ITGA9: variants seen among roughly 807,000 people sequenced by gnomAD.
The protein encoded by ITGA9 is integrin subunit alpha 9, also known as integrin alpha-9.
In ITGA9, 56 loss-of-function variants were observed where a neutral mutation model predicts 127.8. The observed-to-expected ratio is 0.44, with a 90% CI of 0.35 to 0.55. The LOEUF (loss-of-function observed/expected upper bound fraction) is 0.55. ITGA9 is among the 20% of genes least tolerant of loss of function. ITGA9 has a pLI of 0.00. For synonymous variants in ITGA9, 508 were observed against 514.5 expected (o/e 0.99, Z 0.17); for missense variants, 1,196 against 1,347.1 (o/e 0.89, Z 1.76).
intron 15 of ITGA9, among the ~76,000 whole-genome samples, chr3:37,589,318 T>C (rs1211504842): frequency 2.0e-5 from 3 of 152,162 alleles, no homozygotes; most frequent in South Asian, 2.1e-4. Context: ...CAAATATTCA[T>C]AGAGCACCTA....
At chr3:37,627,251 G>A (rs1700184178) in intron 15 of ITGA9, among the ~76,000 whole-genome samples, 1 of 152,086 alleles carries the variant, frequency 6.6e-6, no homozygotes, top group South Asian at 2.1e-4. Context: ...CCAGTCACTC[G>A]GGCTCCCACC....
At chr3:37,482,239 A>G (rs1698565102) in intron 4 of ITGA9, among the ~76,000 whole-genome samples, 2 of 152,250 alleles carry the variant, frequency 1.3e-5, no homozygotes, top group Admixed American at 1.3e-4. Context: ...GCCCAGGCAG[A>G]TGCTGGAGAA....
intron 4 of ITGA9, among the ~76,000 whole-genome samples, chr3:37,483,268 A>G (rs1443941662): frequency 2.0e-5 from 3 of 152,134 alleles, no homozygotes; most frequent in African/African-American, 7.2e-5. Flanking sequence ...AGGGAGGTGG[A>G]GTTCAATGTC....
chr3:37,759,830 G>T (rs1162393915), intron 23 of ITGA9, among the ~76,000 whole-genome samples: 1 of 149,676 alleles, frequency 6.7e-6, no homozygotes, highest in Admixed American at 6.6e-5. Context: ...GCTTGAACCC[G>T]GGAAGCAGAG....
chr3:37,692,410 A>AGTGT lies in ITGA9; in HGVS notation c.2067+8396_2067+8397insTGTG, dbSNP rs1299517222. ...CTTAATGAAGGATTGAGAGAGAGAGAGAGTGTGTGTGTGTGTGTGTGTGTG... is the reference window on the plus strand; with the variant it reads ...CTTAATGAAGGATTGAGAGAGAGAGAGTGTGAGTGTGTGTGTGTGTGTGTGTGTG... On this transcript the variant is annotated intron_variant, in intron 18 of 27. Coordinates refer to ENST00000264741, the MANE Select transcript of ITGA9 (RefSeq NM_002207.3). 6.0e-3 allele frequency among the ~76,000 whole-genome samples: 813 copies of AGTGT among 135,940 alleles called. 7 individuals are homozygous for AGTGT. The highest frequency in any genetic ancestry group is 0.025 in the African/African-American group (731 of 29,712). The allele number at this position is 135,940 out of a possible 152,430, so 89.2% of individuals were successfully genotyped here.
intron 23 of ITGA9, among the ~76,000 whole-genome samples, chr3:37,755,006 A>T (rs962118868): frequency 9.9e-5 from 15 of 152,214 alleles, no homozygotes; most frequent in Non-Finnish European, 1.9e-4. Context: ...GGGGCCATCA[A>T]ATCAGTCGAT....
At chr3:37,613,564 G>C (rs1575167284) in intron 15 of ITGA9, among the ~76,000 whole-genome samples, 1 of 152,208 alleles carries the variant, frequency 6.6e-6, no homozygotes, top group East Asian at 1.9e-4. Flanking sequence ...GGTTGAACTA[G>C]TTTACAATCC....
At chr3:37,588,727 CCAAGT>C (rs1699784132) in intron 15 of ITGA9, among the ~76,000 whole-genome samples, 1 of 152,228 alleles carries the variant, frequency 6.6e-6, no homozygotes. Context: ...ACCATTTCTG[CCAAGT>C]CAGAGGATGA....
chr3:37,504,209 C>T (rs1018056035), intron 6 of ITGA9, among the ~76,000 whole-genome samples: 1 of 152,218 alleles, frequency 6.6e-6, no homozygotes, highest in Non-Finnish European at 1.5e-5. Flanking sequence ...CCTGTAGGCA[C>T]CCAGCTGCCT....
In ITGA9 at chr3:37,540,684, A is replaced by C. The variant is rs147681431; in HGVS notation, c.1529-1741A>C. Among the ~76,000 whole-genome samples the C allele has an allele frequency of 4.3e-3, 657 of 152,250 alleles. 8 individuals carry two copies. The highest frequency in any genetic ancestry group is 0.015 in the African/African-American group (632 of 41,532). On this transcript the variant is annotated intron_variant, in intron 14 of 27. Transcript: ENST00000264741. ...TCATCTTAAAAAATGAAGGTTTTTG[A>C]GCTTAGTGGTCTCCAGGATTGCCTC... is the stretch of plus-strand genomic sequence containing the variant.
At chr3:37,797,380 G>T (rs1697186176) in intron 26 of ITGA9, among the ~76,000 whole-genome samples, 1 of 152,092 alleles carries the variant, frequency 6.6e-6, no homozygotes, top group Admixed American at 6.6e-5. Flanking sequence ...AATGGGGGCT[G>T]AGTAGTCTGG....
chr3:37,523,984 G>A (rs2236629), intron 12 of ITGA9, among the ~76,000 whole-genome samples: 19 of 152,250 alleles, frequency 1.2e-4, no homozygotes, highest in African/African-American at 4.3e-4. Flanking sequence ...GGGAAAAAGA[G>A]CAGCACCCCC....
intron 15 of ITGA9, among the ~76,000 whole-genome samples, chr3:37,567,939 G>T (rs905968730): frequency 2.5e-4 from 38 of 152,128 alleles, no homozygotes; most frequent in Admixed American, 6.5e-5. Flanking sequence ...ACCATTCTAG[G>T]GTCTGGAGGA....
intron 4 of ITGA9, among the ~76,000 whole-genome samples, chr3:37,490,619 C>G (rs1698659712): frequency 6.6e-6 from 1 of 152,196 alleles, no homozygotes; most frequent in African/African-American, 2.4e-5. Flanking sequence ...GGAAAGGGTA[C>G]AGGAAGTGAC....
chr3:37,464,880 A>G (rs1428618569), intron 1 of ITGA9, among the ~76,000 whole-genome samples: 1 of 152,220 alleles, frequency 6.6e-6, no homozygotes. Context: ...TGGTGTGGTC[A>G]GAGGTGGCTA....
chr3:37,791,646 C>T (rs1697111629), intron 26 of ITGA9, among the ~76,000 whole-genome samples: 1 of 152,162 alleles, frequency 6.6e-6, no homozygotes, highest in Non-Finnish European at 1.5e-5. Flanking sequence ...TGAGAAGGTT[C>T]AGTGATACCA....
At chr3:37,501,012 A>G (rs1698782066) in intron 5 of ITGA9, among the ~76,000 whole-genome samples, 1 of 152,042 alleles carries the variant, frequency 6.6e-6, no homozygotes, top group South Asian at 2.1e-4. Context: ...TACTTTGCAC[A>G]TTACCATGCT....
rs917894237 is a variant in ITGA9 at position 37,822,038 on chromosome 3, T to C, written c.*3049T>C. 1 of 152,136 alleles carries C rather than the reference T, an allele frequency of 6.6e-6. No individual in the cohort carries two copies. Among genetic ancestry groups the C allele is most frequent in the African/African-American group, 2.4e-5 (1 of 41,424 alleles). 9.4% of individuals were successfully genotyped at this position (152,136 alleles called of 1,614,324 possible). A position where few individuals can be genotyped will look rare whatever the true frequency, so the allele number is the denominator to read the frequency against. On this transcript the variant is annotated 3_prime_UTR_variant, in exon 28 of 28. Transcript: ENST00000264741. ...CTTCCCAGCTCAGAAGCCCTCTCTA[T>C]GCTCTCAGGGGAAGCAGATGGGGTG...
intron 26 of ITGA9, chr3:37,790,371 C>A: frequency 2.0e-6 from 1 of 505,394 alleles, no homozygotes; most frequent in Non-Finnish European, 4.0e-6. Context: ...GAGAGGGCTT[C>A]ATCTTGCTGA....
Sources: allele counts gnomAD v4.1 joint callset (sites outside exome capture counted in the v4.1 genomes callset), GRCh38; gene constraint gnomAD v4.1.1; transcripts MANE v1.5; gene names NCBI Gene and HGNC (gene_info 2026-07-23, HGNC 2026-07-21).